The following ABR variants were observed in gnomAD, a reference collection of about 807,000 sequenced individuals.
ABR encodes the protein ABR activator of RhoGEF and GTPase.
In ABR, 35 loss-of-function variants were observed where a neutral mutation model predicts 107.2. The ratio of observed to expected loss-of-function variants is 0.33; its 90% CI spans 0.25 to 0.43. The LOEUF is 0.43. Among genes scored for constraint, ABR ranks in the 20% least tolerant of loss-of-function variants. The pLI is 1.00. For missense variants in ABR, 815 were observed against 1,115.2 expected, an observed-to-expected ratio of 0.73 and a Z score of 3.83; for synonymous variants, 498 against 462.0, an observed-to-expected ratio of 1.08 and a Z score of -1.00.
At chr17:1,061,748 T>C (rs139324955) in intron 10 of ABR, among the ~76,000 whole-genome samples, 4 of 152,114 alleles carry the variant, frequency 2.6e-5, no homozygotes, top group African/African-American at 9.7e-5. Flanking sequence ...GGCTTCATGA[T>C]GTTGGCCAGG....
rs56669324 is a variant in ABR, at chr17:1,088,892, A to ATTTT, written c.531+2769_531+2772dup. Among the ~76,000 whole-genome samples, 79 of 102,482 alleles carry ATTTT rather than the reference A, an allele frequency of 7.7e-4. 1 individual carries two copies. The highest frequency in any genetic ancestry group is 1.7e-3 in the East Asian group (6 of 3,448). The allele number at this position is 102,482 out of a possible 152,430, so 67.2% of individuals were successfully genotyped here. On this transcript the variant is annotated intron_variant, in intron 4 of 22. Coordinates refer to ENST00000302538, the MANE Select transcript of ABR (RefSeq NM_021962.5). ...TAAGCGTGAGCCACTGTGCCCAGCC[A>ATTTT]TTTTTTTTTTTTTTTTTTTTTGAGA...
At chr17:1,032,567 CCG>C in intron 16 of ABR, among the ~76,000 whole-genome samples, 1 of 132,016 alleles carries the variant, frequency 7.6e-6, no homozygotes, top group East Asian at 2.3e-4. Context: ...CCACCCGCGT[CCG>C]TGCTGGGCGC....
rs773077097 is a variant in ABR, at chr17:1,057,117, G to A, written c.1382-15C>T. ...GGCCTGGAGATCTGGAGGGAGAGCC[G>A]AGAGAGAAGGGAGCGTGGGCACTGG... On this transcript the variant is annotated splice_polypyrimidine_tract_variant and intron_variant, in intron 12 of 22. Coordinates refer to ENST00000302538, the MANE Select transcript of ABR (RefSeq NM_021962.5). 8.2e-6 allele frequency: 13 copies of A among 1,575,916 alleles called. No homozygotes were observed. The highest frequency in any genetic ancestry group is 4.0e-5 in the African/African-American group (3 of 74,124).
intron 2 of ABR, among the ~76,000 whole-genome samples, chr17:1,106,442 C>T (rs777453318): frequency 6.6e-5 from 10 of 151,992 alleles, no homozygotes; most frequent in African/African-American, 1.2e-4. Flanking sequence ...CACACATGCA[C>T]GCATCCAGGC....
rs144456825 is a variant in ABR, at chr17:1,133,839, C to T, written c.62-8472G>A. ...CATTACCAGGAACGGCTGCCCTACACCATTCTGGCCACTGAGACCCAAGTG... is the reference window on the plus strand; with the variant it reads ...CATTACCAGGAACGGCTGCCCTACATCATTCTGGCCACTGAGACCCAAGTG... On this transcript the variant is annotated intron_variant, in intron 1 of 22. Transcript: ENST00000302538. Among the ~76,000 whole-genome samples, 27 of 152,316 alleles carry T rather than the reference C, an allele frequency of 1.8e-4. No homozygotes were observed. The East Asian group carries it at 4.4e-3, about 25-fold the overall frequency.
At chr17:1,201,114 A>C (rs1209689102) in intron 1 of ABR, among the ~76,000 whole-genome samples, 1 of 152,254 alleles carries the variant, frequency 6.6e-6, no homozygotes, top group African/African-American at 2.4e-5. Flanking sequence ...TCAGAGGAGC[A>C]GCCGGGGAGG....
chr17:1,021,880 C>T (rs889684896), intron 16 of ABR, among the ~76,000 whole-genome samples: 3 of 151,282 alleles, frequency 2.0e-5, no homozygotes, highest in Non-Finnish European at 2.9e-5. Flanking sequence ...GACTCCCAGC[C>T]GGGCGCGGTG....
intron 1 of ABR, among the ~76,000 whole-genome samples, chr17:1,207,792 C>G (rs967693388): frequency 5.9e-5 from 9 of 151,934 alleles, no homozygotes; most frequent in African/African-American, 1.4e-4. Context: ...GTTTTTGAGA[C>G]AGAGTCTCGC....
intron 10 of ABR, among the ~76,000 whole-genome samples, chr17:1,066,043 A>G (rs2034705839): frequency 6.6e-6 from 1 of 151,726 alleles, no homozygotes; most frequent in African/African-American, 2.4e-5. Context: ...CCACGCCTGG[A>G]TAATTTTGTA....
intron 1 of ABR, among the ~76,000 whole-genome samples, chr17:1,224,646 C>G (rs1300907045): frequency 6.6e-6 from 1 of 152,130 alleles, no homozygotes; most frequent in Non-Finnish European, 1.5e-5. Context: ...AGAGTCAGAG[C>G]CTTGCTGGGA....
chr17:1,088,825 G>A (rs1033115309), intron 4 of ABR, among the ~76,000 whole-genome samples: 1 of 151,466 alleles, frequency 6.6e-6, no homozygotes, highest in African/African-American at 2.4e-5. Context: ...CTGACCTCAG[G>A]TGATCCGCCC....
At chr17:1,158,550 G>A (rs1047687725) in intron 1 of ABR, among the ~76,000 whole-genome samples, 3 of 151,878 alleles carry the variant, frequency 2.0e-5, no homozygotes, top group Non-Finnish European at 4.4e-5. Context: ...ATCGCCTGAG[G>A]TCAGGAGTTC....
At chr17:1,098,724 G>A (rs1400234207) in intron 3 of ABR, among the ~76,000 whole-genome samples, 1 of 152,186 alleles carries the variant, frequency 6.6e-6, no homozygotes, top group Admixed American at 6.6e-5. Flanking sequence ...CCCCTCACTT[G>A]GAAAACAGCT....
intron 16 of ABR, chr17:1,031,722 TGG>T: frequency 8.0e-7 from 1 of 1,245,362 alleles, no homozygotes; most frequent in South Asian, 3.2e-5. Flanking sequence ...GCAGTCGGGC[TGG>T]GGCAGGACGT....
chr17:1,073,544 A>T (rs552635829), intron 7 of ABR, 81 bp downstream of exon 7: 1 of 1,164,246 alleles, frequency 8.6e-7, no homozygotes, highest in South Asian at 2.3e-5. Flanking sequence ...GTTCTCGGTG[A>T]CTCCAGCACC....
exon 1 of ABR, among the ~76,000 whole-genome samples, chr17:1,229,256 C>G (rs1217515306): frequency 6.6e-6 from 1 of 151,642 alleles, no homozygotes; most frequent in Non-Finnish European, 1.5e-5. Flanking sequence ...GCTGCAGGAG[C>G]TGCCGGTGGA....
chr17:1,223,028 C>G (rs1166300498), intron 1 of ABR, among the ~76,000 whole-genome samples: 1 of 151,918 alleles, frequency 6.6e-6, no homozygotes, highest in Non-Finnish European at 1.5e-5. Flanking sequence ...ATGGCGAAAC[C>G]CCGTCTCTAC....
At chr17:1,117,142 GT>G (rs755601738) in intron 2 of ABR, among the ~76,000 whole-genome samples, 47,276 of 55,858 alleles carry the variant, frequency 0.85, 22,748 homozygotes, top group East Asian at 0.91. Context: ...CTGAGCCTGA[GT>G]TCCTCCCAGC....
At chr17:1,082,297 G>A (rs947111352) in intron 5 of ABR, among the ~76,000 whole-genome samples, 3 of 152,176 alleles carry the variant, frequency 2.0e-5, no homozygotes, top group African/African-American at 7.2e-5. Flanking sequence ...GCTCTGTCCT[G>A]AAGGATCCTA....
Sources: allele counts gnomAD v4.1 joint callset (sites outside exome capture counted in the v4.1 genomes callset), GRCh38; gene constraint gnomAD v4.1.1; transcripts MANE v1.5; gene names NCBI Gene and HGNC (gene_info 2026-07-23, HGNC 2026-07-21).